CEP112: variants seen among roughly 807,000 people sequenced by gnomAD.
CEP112 encodes the protein centrosomal protein of 112 kDa.
In CEP112, 127 loss-of-function variants were observed where a neutral mutation model predicts 153.0. That is an observed-to-expected ratio of 0.83 (90% CI 0.72 to 0.96). The LOEUF (loss-of-function observed/expected upper bound fraction) is 0.96. Ranked by LOEUF, CEP112 falls within the 40% of genes least tolerant of loss-of-function variation. CEP112 has a pLI of 0.00. For synonymous variants in CEP112, 358 were observed against 374.4 expected (o/e 0.96, Z 0.51); for missense variants, 1,089 against 1,101.2 (o/e 0.99, Z 0.16).
intron 20 of CEP112, among the ~76,000 whole-genome samples, chr17:65,879,105 T>A (rs551836196): frequency 1.3e-5 from 2 of 152,280 alleles, no homozygotes; most frequent in South Asian, 4.2e-4. Context: ...AATGTTACCT[T>A]ATATGTGAAA....
chr17:66,049,979 AAAT>A (rs1372062688), intron 12 of CEP112, among the ~76,000 whole-genome samples: 7 of 150,704 alleles, frequency 4.6e-5, no homozygotes, highest in African/African-American at 7.3e-5. Context: ...CTTTTCAAAG[AAAT>A]AATGATTGTA....
intron 23 of CEP112, among the ~76,000 whole-genome samples, chr17:65,717,753 A>T (rs1387718126): frequency 6.6e-6 from 1 of 152,226 alleles, no homozygotes; most frequent in Non-Finnish European, 1.5e-5. Flanking sequence ...TTGGAAAGCC[A>T]GCAGGTAGAG....
Position 65,892,324 on chromosome 17 carries a change from C to A in CEP112, c.2163+9828G>T, listed in dbSNP as rs542447370. ...GAAATAAATTTGATTTACATATTAT[C>A]TGAAGGGTCATAATTATAAAATGTC... On this transcript the variant is annotated intron_variant, in intron 20 of 26. Transcript: ENST00000535342. 2.3e-4 allele frequency among the ~76,000 whole-genome samples: 35 copies of A among 152,242 alleles called. No individual in the cohort carries two copies. In the East Asian group the frequency reaches 6.6e-3, roughly 29 times the overall value.
At chr17:65,933,389 C>A (rs1464648975) in intron 18 of CEP112, among the ~76,000 whole-genome samples, 1 of 152,158 alleles carries the variant, frequency 6.6e-6, no homozygotes, top group Non-Finnish European at 1.5e-5. Flanking sequence ...ACATCATAAT[C>A]AATTATCAAA....
chr17:65,710,019 G>GA (rs779058510), intron 23 of CEP112, among the ~76,000 whole-genome samples: 2 of 152,166 alleles, frequency 1.3e-5, no homozygotes, highest in Non-Finnish European at 2.9e-5. Context: ...CAGCGTTGTA[G>GA]GATCTTGAGC....
At chr17:65,741,469 T>C (rs1390254163) in intron 23 of CEP112, among the ~76,000 whole-genome samples, 2 of 151,062 alleles carry the variant, frequency 1.3e-5, no homozygotes, top group African/African-American at 4.8e-5. Flanking sequence ...AGTTTTTATA[T>C]ATATTATAAA....
chr17:65,835,180 C>T (rs1272725331), intron 21 of CEP112, among the ~76,000 whole-genome samples: 3 of 124,892 alleles, frequency 2.4e-5, no homozygotes, highest in Non-Finnish European at 5.1e-5. Flanking sequence ...TACCCCCAAA[C>T]CCAAAATAAA....
rs548530738 is a variant in CEP112 at position 66,023,834 on chromosome 17, A to G, written c.1656+3667T>C. On this transcript the variant is annotated intron_variant, in intron 16 of 26. Transcript: ENST00000535342. ...GAATGAATGCTCTACTTAAAAGGTA[A>G]AGATTGACAAAATTGATTTTTAAAA... Among the ~76,000 whole-genome samples, 103 of 152,272 alleles carry G rather than the reference A, an allele frequency of 6.8e-4. 1 individual carries two copies. Among genetic ancestry groups the G allele is most frequent in the African/African-American group, 2.4e-3 (100 of 41,590 alleles).
chr17:66,042,514 C>A (rs146191288), intron 12 of CEP112, among the ~76,000 whole-genome samples: 114 of 152,042 alleles, frequency 7.5e-4, no homozygotes, highest in African/African-American at 2.7e-3. Flanking sequence ...ATATGCCTAA[C>A]CAGTCAATAC....
intron 19 of CEP112, among the ~76,000 whole-genome samples, chr17:65,923,156 T>TA (rs960805749): frequency 1.3e-5 from 2 of 152,100 alleles, no homozygotes; most frequent in East Asian, 1.9e-4. Context: ...ACCATTTTTT[T>TA]AAAAAAAAGA....
intron 16 of CEP112, among the ~76,000 whole-genome samples, chr17:66,015,127 A>G (rs899345485): frequency 6.6e-6 from 1 of 152,228 alleles, no homozygotes; most frequent in Non-Finnish European, 1.5e-5. Flanking sequence ...TTAGCAAGTT[A>G]AAAATTAATA....
intron 19 of CEP112, among the ~76,000 whole-genome samples, chr17:65,923,501 T>C (rs1262413205): frequency 2.6e-5 from 4 of 152,168 alleles, no homozygotes; most frequent in Non-Finnish European, 5.9e-5. Context: ...GCCATGATCA[T>C]GCCACTGCAC....
At chr17:66,027,683 G>A (rs2065274486) in intron 15 of CEP112, 123 bp from the exon 16 acceptor site, 1 of 669,572 alleles carries the variant, frequency 1.5e-6, no homozygotes, top group Admixed American at 4.5e-5. Context: ...TTTTGCATAT[G>A]ATTAAGTAAG....
rs556127508 is a variant in CEP112, at chr17:66,042,777, C to T, written c.1218+10959G>A. 1.7e-3 allele frequency among the ~76,000 whole-genome samples: 257 copies of T among 152,136 alleles called. 1 individual carries two copies. The highest frequency in any genetic ancestry group is 3.4e-3 in the Middle Eastern group (1 of 294). ...CTAAGATGTGAAAAACAGGAGAAAC[C>T]GAGTGCAGGTTATATGGGAATTCTC... On this transcript the variant is annotated intron_variant, in intron 12 of 26. Transcript: ENST00000535342.
At chr17:66,110,043 C>G (rs1315330450) in intron 6 of CEP112, among the ~76,000 whole-genome samples, 1 of 152,130 alleles carries the variant, frequency 6.6e-6, no homozygotes, top group African/African-American at 2.4e-5. Flanking sequence ...ACCTGTAGTC[C>G]CATCTACTCA....
intron 25 of CEP112, among the ~76,000 whole-genome samples, chr17:65,640,137 C>CATATATATATATATATAT (rs762352624): frequency 1.8e-5 from 2 of 112,144 alleles, no homozygotes; most frequent in African/African-American, 1.0e-4. Flanking sequence ...TGCACCCGAC[C>CATATATATATATATATAT]ATATATATAT....
chr17:65,685,137 G>A (rs1053858792), intron 24 of CEP112, among the ~76,000 whole-genome samples: 1 of 152,174 alleles, frequency 6.6e-6, no homozygotes, highest in Non-Finnish European at 1.5e-5. Context: ...GACTCTGTGT[G>A]CTGATCTGTC....
At chr17:65,999,153 A>C (rs541812881) in intron 17 of CEP112, among the ~76,000 whole-genome samples, 2 of 152,102 alleles carry the variant, frequency 1.3e-5, no homozygotes, top group Non-Finnish European at 2.9e-5. Flanking sequence ...AAATGCAAGA[A>C]ATATTTACTT....
In CEP112 at chr17:66,076,461, T is replaced by A. The variant is rs374560843; in HGVS notation, c.769-6460A>T. On this transcript the variant is annotated intron_variant, in intron 8 of 26. Transcript: ENST00000535342. ...TCCCTCACTTCCCTGACAACCTGCA[T>A]GACTCAGCAGAGGCAGCCATATTCC... 6.3e-4 allele frequency among the ~76,000 whole-genome samples: 96 copies of A among 152,182 alleles called. 3 individuals carry two copies. The South Asian group carries it at 0.02, about 31-fold the overall frequency.
Sources: allele counts gnomAD v4.1 joint callset (sites outside exome capture counted in the v4.1 genomes callset), GRCh38; gene constraint gnomAD v4.1.1; transcripts MANE v1.5; gene names NCBI Gene and HGNC (gene_info 2026-07-23, HGNC 2026-07-21).